FBXO47: variants seen among roughly 807,000 people sequenced by gnomAD.
The protein encoded by FBXO47 is F-box protein 47.
In FBXO47, 34 loss-of-function variants were observed where a neutral mutation model predicts 53.9. That is an observed-to-expected ratio of 0.63 (90% CI 0.48 to 0.84). The LOEUF is 0.84. Among genes scored for constraint, FBXO47 ranks in the 40% least tolerant of loss-of-function variants. The pLI is 0.00. For missense variants in FBXO47, 485 were observed against 541.3 expected (o/e 0.90, Z 1.03); for synonymous variants, 165 against 181.6 (o/e 0.91, Z 0.73).
intron 5 of FBXO47, among the ~76,000 whole-genome samples, chr17:38,954,487 G>A (rs1905454854): frequency 6.6e-6 from 1 of 151,876 alleles, no homozygotes; most frequent in South Asian, 2.1e-4. Context: ...TAAATAACCA[G>A]CCCAAGACTA....
chr17:38,936,986 T>C lies in FBXO47; in HGVS notation c.*189A>G. 2.5e-6 allele frequency: 1 copy of C among 394,992 alleles called. No homozygotes were observed. The allele number at this position is 394,992 out of a possible 1,614,324, so 24.5% of individuals were successfully genotyped here. ...TTCCAGAGAAATCTCAGCACATTCT[T>C]GAGGCTGCCTGTTATTTTTATATTA... On this transcript the variant is annotated 3_prime_UTR_variant, in exon 11 of 11. Coordinates refer to ENST00000378079, the MANE Select transcript of FBXO47 (RefSeq NM_001008777.3).
chr17:38,945,181 G>A, intron 6 of FBXO47, 45 bp from the exon 7 acceptor site: 1 of 1,431,548 alleles, frequency 7.0e-7, no homozygotes, highest in Non-Finnish European at 9.8e-7. Context: ...TAGAAAGGCT[G>A]CTGTGCATAT....
In FBXO47 at chr17:38,957,271, CAT is replaced by C; in HGVS notation, c.353-20_353-19del. ...CAGTAGACCTAAGAAAGTAAAGAGACATAAGAAAAAATGACAACAATACAATT... is the reference window on the plus strand; with the variant it reads ...CAGTAGACCTAAGAAAGTAAAGAGACAAGAAAAAATGACAACAATACAATT... On this transcript the variant is annotated intron_variant, in intron 3 of 10. Transcript: ENST00000378079. 1.3e-6 allele frequency: 2 copies of C among 1,568,226 alleles called. No individual in the cohort carries two copies. The highest frequency in any genetic ancestry group is 3.4e-4 in the Middle Eastern group (2 of 5,840).
chr17:38,965,697 C>A (rs1906071013), intron 1 of FBXO47, among the ~76,000 whole-genome samples: 1 of 126,710 alleles, frequency 7.9e-6, no homozygotes. Context: ...CACGGTGAAA[C>A]CCCTTCTCTA....
Position 38,943,704 on chromosome 17 carries a change from G to C in FBXO47, c.826C>G (p.Pro276Ala). Residue 276 changes from proline (P) to alanine (A), a missense_variant, in exon 8 of 11, where the codon CCT becomes GCT. Physicochemically the swap from Pro to Ala is conservative, Grantham distance 27. Transcript: ENST00000378079. ...CCTTTCAGACTGAATTCATCTGTAG[G>C]TTCTTCTATCATTTCCTGCCAAACC... Reference protein sequence around the residue: ...QVVWQEMIEEPTDEFSLKGLA... With the variant: ...QVVWQEMIEEATDEFSLKGLA... 1.9e-6 allele frequency: 3 copies of C among 1,609,138 alleles called. No homozygotes were observed. Among genetic ancestry groups the C allele is most frequent in the Non-Finnish European group, 2.5e-6 (3 of 1,178,550 alleles).
At chr17:38,939,161 C>T (rs944603970) in intron 9 of FBXO47, among the ~76,000 whole-genome samples, 3 of 148,992 alleles carry the variant, frequency 2.0e-5, no homozygotes, top group Non-Finnish European at 3.0e-5. Context: ...GACATGGTAG[C>T]GAGCACCTAT....
intron 2 of FBXO47, 72 bp downstream of exon 2, chr17:38,962,772 CA>C: frequency 9.3e-7 from 1 of 1,075,734 alleles, no homozygotes; most frequent in East Asian, 2.4e-5. Context: ...CCCAAGATGA[CA>C]AACTAGTTCT....
chr17:38,937,260 A>G lies in FBXO47; in HGVS notation c.1274T>C (p.Leu425Ser). 1 of 1,608,262 alleles carries G rather than the reference A, an allele frequency of 6.2e-7. No individual in the cohort carries two copies. Among genetic ancestry groups the G allele is most frequent in the Non-Finnish European group, 8.5e-7 (1 of 1,175,514 alleles). Reference protein sequence around the residue: ...GDRDEDDRSFLNLFHLVHAQA... With the variant: ...GDRDEDDRSFSNLFHLVHAQA... The stretch of plus-strand genomic sequence containing the variant: ...AGCATGTACAAGATGGAACAAATTC[A>G]AAAAGCTTCTGTCATCTTCATCACG... Residue 425 changes from leucine to serine, a missense_variant, in exon 11 of 11, where the codon TTG becomes TCG. Physicochemically the swap from Leu to Ser is moderately radical, Grantham distance 145. Transcript: ENST00000378079.
chr17:38,944,825 C>T (rs527813295), intron 7 of FBXO47, 135 bp downstream of exon 7: 80 of 520,984 alleles, frequency 1.5e-4, no homozygotes, highest in East Asian at 1.1e-3. Flanking sequence ...GAGCCATGAT[C>T]GCACCACTGT....
In FBXO47 at chr17:38,943,648, G is replaced by T; in HGVS notation, c.882C>A (p.Asp294Glu). Residue 294 changes from aspartate to glutamate, a missense_variant, in exon 8 of 11, where the codon GAC becomes GAA. By Grantham distance (45) the Asp-to-Glu change is conservative. Coordinates refer to ENST00000378079, the MANE Select transcript of FBXO47 (RefSeq NM_001008777.3). ...GLADAIKLLY[D>E]ASTKEWTADD... ...CTGCTGTCCACTCTTTAGTGCTAGCGTCATATAGTAACTTAATGGCATCAG... is the reference window on the plus strand; with the variant it reads ...CTGCTGTCCACTCTTTAGTGCTAGCTTCATATAGTAACTTAATGGCATCAG... 1 of 1,609,250 alleles carries T rather than the reference G, an allele frequency of 6.2e-7. No homozygotes were observed. The highest frequency in any genetic ancestry group is 8.5e-7 in the Non-Finnish European group (1 of 1,177,772).
At chr17:38,956,455 G>A (rs1905561273) in intron 4 of FBXO47, among the ~76,000 whole-genome samples, 1 of 151,972 alleles carries the variant, frequency 6.6e-6, no homozygotes, top group Non-Finnish European at 1.5e-5. Flanking sequence ...AGGTGTGGTG[G>A]TGGGTGCCTG....
At chr17:38,946,809 C>CATATATAA (rs1174775863) in intron 6 of FBXO47, among the ~76,000 whole-genome samples, 15 of 55,804 alleles carry the variant, frequency 2.7e-4, no homozygotes, top group African/African-American at 9.8e-4. Flanking sequence ...GATATATAAA[C>CATATATAA]ATATATAAAT....
chr17:38,957,533 A>G (rs919736837), intron 3 of FBXO47, among the ~76,000 whole-genome samples: 2 of 152,182 alleles, frequency 1.3e-5, no homozygotes, highest in Non-Finnish European at 2.9e-5. Flanking sequence ...TACATAGAGT[A>G]TAAAAGATAC....
rs974461292 is a variant in FBXO47 at position 38,938,651 on chromosome 17, C to T, written c.1165G>A (p.Glu389Lys). The T allele has an allele frequency of 1.9e-6, 3 of 1,613,570 alleles. No individual in the cohort carries two copies. Among genetic ancestry groups the T allele is most frequent in the Non-Finnish European group, 2.5e-6 (3 of 1,179,726 alleles). The change falls in exon 10 of 11, where the codon GAA (glutamate) becomes AAA (lysine). Residue 389 changes from glutamate (E) to lysine (K), a missense_variant. Physicochemically the swap from Glu to Lys is moderately conservative, Grantham distance 56. Transcript: ENST00000378079. ...KVCKVFSTPV[E>K]RKNFLQNVAN... ...ACATTCTGCAGGAAGTTCTTTCTTT[C>T]CACTGGAGTGCTAAAGACTTTGCAG... is the stretch of plus-strand genomic sequence containing the variant.
chr17:38,948,150 C>G (rs956264040), intron 6 of FBXO47, among the ~76,000 whole-genome samples: 1 of 151,812 alleles, frequency 6.6e-6, no homozygotes, highest in African/African-American at 2.4e-5. Flanking sequence ...CTTTACCACC[C>G]CTAGCCCTAT....
At chr17:38,941,928 C>T (rs1598136226) in intron 9 of FBXO47, among the ~76,000 whole-genome samples, 2 of 152,014 alleles carry the variant, frequency 1.3e-5, no homozygotes, top group East Asian at 3.9e-4. Flanking sequence ...CTGTCTCAGC[C>T]TCTCAAAGTG....
At chr17:38,941,499 G>A (rs1904502312) in intron 9 of FBXO47, among the ~76,000 whole-genome samples, 1 of 150,942 alleles carries the variant, frequency 6.6e-6, no homozygotes, top group Admixed American at 6.6e-5. Flanking sequence ...TATAGAGACA[G>A]GGTCTTGCTG....
At chr17:38,965,895 A>T (rs35110638) in intron 1 of FBXO47, among the ~76,000 whole-genome samples, 6,479 of 151,086 alleles carry the variant, frequency 0.043, 407 homozygotes, top group African/African-American at 0.14. Context: ...AAAAAAAAAA[A>T]AATAATTACA....
At chr17:38,957,122 A>G in intron 4 of FBXO47, 55 bp downstream of exon 4, 4 of 1,167,966 alleles carry the variant, frequency 3.4e-6, no homozygotes, top group Non-Finnish European at 5.1e-6. Context: ...AGATAATAAT[A>G]AAATATCTTT....
Sources: gnomAD v4.1 joint callset for allele counts (sites outside exome capture counted in the v4.1 genomes callset) on GRCh38, gnomAD v4.1.1 for gene constraint, MANE v1.5 for transcripts, NCBI Gene and HGNC (gene_info 2026-07-23, HGNC 2026-07-21) for gene names.